The following SDC2 variants were observed in gnomAD, a reference collection of about 807,000 sequenced individuals.
SDC2 encodes syndecan 2, also known as syndecan-2.
In SDC2, 13 loss-of-function variants were observed where a neutral mutation model predicts 22.2. The observed-to-expected ratio is 0.59, with a 90% CI of 0.38 to 0.93. The LOEUF (loss-of-function observed/expected upper bound fraction) is 0.93, where lower values mean the gene tolerates loss of function less well. Among genes scored for constraint, SDC2 ranks in the 40% least tolerant of loss-of-function variants. SDC2 has a pLI of 0.00. For missense variants in SDC2, 235 were observed against 246.8 expected (o/e 0.95, Z 0.32); for synonymous variants, 94 against 92.8 (o/e 1.01, Z -0.07).
chr8:96,524,447 C>T (rs1813547211), intron 1 of SDC2, among the ~76,000 whole-genome samples: 1 of 152,282 alleles, frequency 6.6e-6, no homozygotes, highest in South Asian at 2.1e-4. Context: ...AGCACACTGA[C>T]AACTGGCTAC....
At chr8:96,568,879 A>G (rs1163485984) in intron 1 of SDC2, among the ~76,000 whole-genome samples, 2 of 152,206 alleles carry the variant, frequency 1.3e-5, no homozygotes, top group Non-Finnish European at 2.9e-5. Flanking sequence ...CCAGAGTGCA[A>G]TGCAGGTGAG....
intron 1 of SDC2, among the ~76,000 whole-genome samples, chr8:96,583,596 T>A (rs1490260547): frequency 1.3e-5 from 2 of 151,342 alleles, no homozygotes; most frequent in Non-Finnish European, 1.5e-5. Context: ...AAATTACACA[T>A]AAATCCACCA....
At chr8:96,527,947 TC>T (rs1215987220) in intron 1 of SDC2, among the ~76,000 whole-genome samples, 3 of 152,208 alleles carry the variant, frequency 2.0e-5, no homozygotes, top group Admixed American at 2.0e-4. Context: ...AGCAGAAACT[TC>T]TACTACCAAA....
intron 1 of SDC2, chr8:96,584,890 C>T (rs1258895926): frequency 6.6e-6 from 1 of 152,174 alleles, no homozygotes; most frequent in African/African-American, 2.4e-5. Flanking sequence ...AAGTCCCAGG[C>T]GTTGCTTTAG....
Position 96,494,263 on chromosome 8 carries a change from C to G in SDC2, c.-9C>G. The G allele has an allele frequency of 6.5e-7, 1 of 1,544,648 alleles. No individual in the cohort carries two copies. Among genetic ancestry groups the G allele is most frequent in the South Asian group, 1.2e-5 (1 of 84,092 alleles). On this transcript the variant is annotated 5_prime_UTR_variant, in exon 1 of 5. Transcript: ENST00000302190. ...AGCAGCGGCTGGGAGCAGCCGGTCC[C>G]TGGGGAATATGCGGCGCGCGTGGAT...
chr8:96,583,352 TTA>T (rs971183861), intron 1 of SDC2, among the ~76,000 whole-genome samples: 36 of 124,316 alleles, frequency 2.9e-4, no homozygotes, highest in Middle Eastern at 3.4e-3. Flanking sequence ...AAAATATATA[TTA>T]TATATATTAT....
intron 1 of SDC2, among the ~76,000 whole-genome samples, chr8:96,570,270 A>G (rs1355623154): frequency 1.3e-5 from 2 of 152,354 alleles, no homozygotes; most frequent in East Asian, 1.9e-4. Flanking sequence ...AACGATAACT[A>G]GTAGTCTCCA....
At chr8:96,545,669 C>T (rs763171128) in intron 1 of SDC2, among the ~76,000 whole-genome samples, 4 of 152,194 alleles carry the variant, frequency 2.6e-5, no homozygotes, top group Non-Finnish European at 5.9e-5. Context: ...TAGAAGTGTA[C>T]CATGGGCTTG....
At chr8:96,601,640 CAAAAAAAAAAA>C (rs749025894) in intron 2 of SDC2, among the ~76,000 whole-genome samples, 9 of 66,690 alleles carry the variant, frequency 1.3e-4, no homozygotes, top group Admixed American at 1.1e-3. Flanking sequence ...ACTCCATCTC[CAAAAAAAAAAA>C]AAAAAAAAGA....
intron 1 of SDC2, among the ~76,000 whole-genome samples, chr8:96,534,035 C>T (rs776380984): frequency 3.4e-4 from 52 of 152,198 alleles, no homozygotes; most frequent in Admixed American, 7.2e-4. Flanking sequence ...GTGCACCCTC[C>T]GCTGCTGCTG....
chr8:96,597,528 T>C (rs887864289), intron 2 of SDC2, among the ~76,000 whole-genome samples: 3 of 152,144 alleles, frequency 2.0e-5, no homozygotes, highest in Non-Finnish European at 4.4e-5. Context: ...AGGAAAAACT[T>C]GTAACATGAG....
rs1309785921 is a variant in SDC2, at chr8:96,611,576, G to A, written c.*2028G>A. ...TAGCCTAGCTTTCTAAAGCCACGCT[G>A]TGTCCCTCAATTACAGAGGGTAGGA... is the stretch of plus-strand genomic sequence containing the variant. On this transcript the variant is annotated 3_prime_UTR_variant, in exon 5 of 5. Transcript: ENST00000302190. 3 of 152,620 alleles carry A rather than the reference G, an allele frequency of 2.0e-5. No individual in the cohort carries two copies. Among genetic ancestry groups the A allele is most frequent in the Non-Finnish European group, 4.4e-5 (3 of 68,044 alleles). The allele number at this position is 152,620 out of a possible 1,614,324, so 9.5% of individuals were successfully genotyped here.
chr8:96,545,317 G>A (rs1486304289), intron 1 of SDC2, among the ~76,000 whole-genome samples: 2 of 152,224 alleles, frequency 1.3e-5, no homozygotes, highest in East Asian at 3.9e-4. Context: ...TTCTAATCCT[G>A]TAGATATGGG....
chr8:96,498,605 C>G (rs1813111751), intron 1 of SDC2, among the ~76,000 whole-genome samples: 1 of 152,146 alleles, frequency 6.6e-6, no homozygotes, highest in Non-Finnish European at 1.5e-5. Context: ...ATTCTCCTGC[C>G]TCAGCCTCCC....
At chr8:96,536,086 G>A (rs1157272471) in intron 1 of SDC2, among the ~76,000 whole-genome samples, 3 of 152,032 alleles carry the variant, frequency 2.0e-5, no homozygotes, top group Non-Finnish European at 4.4e-5. Flanking sequence ...TGCCCCTTGA[G>A]GAATTTAATT....
intron 2 of SDC2, among the ~76,000 whole-genome samples, chr8:96,597,288 C>T (rs1349606123): frequency 1.3e-5 from 2 of 152,220 alleles, no homozygotes; most frequent in Non-Finnish European, 1.5e-5. Flanking sequence ...GACTGGGAGG[C>T]TCCCCTCTGG....
intron 1 of SDC2, among the ~76,000 whole-genome samples, chr8:96,590,559 T>C (rs1327099705): frequency 6.6e-6 from 1 of 152,210 alleles, no homozygotes; most frequent in African/African-American, 2.4e-5. Context: ...CCTAGGCATG[T>C]TCATTCCAGA....
At chr8:96,559,947 G>A (rs138463346) in intron 1 of SDC2, among the ~76,000 whole-genome samples, 4 of 152,206 alleles carry the variant, frequency 2.6e-5, no homozygotes, top group Admixed American at 2.6e-4. Flanking sequence ...TAATTCATTT[G>A]CCTCCTTAAT....
At chr8:96,531,908 T>A (rs1224684378) in intron 1 of SDC2, among the ~76,000 whole-genome samples, 4 of 152,244 alleles carry the variant, frequency 2.6e-5, no homozygotes, top group Non-Finnish European at 5.9e-5. Context: ...ACAAAATTTA[T>A]GTGCCAATTC....
Sources: gnomAD v4.1 joint callset for allele counts (sites outside exome capture counted in the v4.1 genomes callset) on GRCh38, gnomAD v4.1.1 for gene constraint, MANE v1.5 for transcripts, NCBI Gene and HGNC (gene_info 2026-07-23, HGNC 2026-07-21) for gene names.